NUP210: variants seen among roughly 807,000 people sequenced by gnomAD.
The protein encoded by NUP210 is nuclear pore membrane glycoprotein 210.
Under a neutral mutation model 196.0 loss-of-function variants are expected in NUP210, and 151 were observed. The observed-to-expected ratio is 0.77, with a 90% CI of 0.67 to 0.88. NUP210 has a LOEUF of 0.88. Among genes scored for constraint, NUP210 ranks in the 40% least tolerant of loss-of-function variants. NUP210 has a pLI of 0.00. For synonymous variants in NUP210, 1,070 were observed against 1,052.7 expected (o/e 1.02, Z -0.32); for missense variants, 2,314 against 2,493.7 (o/e 0.93, Z 1.53).
At position 13,327,419 on chromosome 3, in the gene NUP210, G is replaced by A. The variant is rs747355184; in HGVS notation, c.4305C>T (p.Ile1435=). Residue 1435 remains isoleucine, a synonymous_variant, in exon 32 of 40, where the codon ATC becomes ATT. Transcript: ENST00000254508. ...FATNRDDFVQ[I]GKGPTNNTCV... The stretch of plus-strand genomic sequence containing the variant: ...AGGTGTTGTTGGTGGGGCCCTTCCC[G>A]ATCTGCACAAAGTCGTCTCTAGGCA... 17 of 1,611,684 alleles carry A rather than the reference G, an allele frequency of 1.1e-5. No homozygotes were observed. In the East Asian group the frequency reaches 2.0e-4, roughly 19 times the overall value.
At chr3:13,335,422 C>T in intron 28 of NUP210, 32 bp downstream of exon 28, 3 of 1,599,978 alleles carry the variant, frequency 1.9e-6, no homozygotes, top group Admixed American at 1.7e-5. Flanking sequence ...TTCCTCTCCC[C>T]CTTCCCTGTG....
chr3:13,341,656 C>T (rs1316362184), intron 23 of NUP210, 92 bp downstream of exon 23: 9 of 1,416,340 alleles, frequency 6.4e-6, no homozygotes, highest in Non-Finnish European at 7.7e-6. Flanking sequence ...TATATGGCTT[C>T]TCTACAGTAG....
chr3:13,358,108 T>C (rs1698243997), intron 16 of NUP210, 114 bp downstream of exon 16: 1 of 920,516 alleles, frequency 1.1e-6, no homozygotes, highest in African/African-American at 1.7e-5. Flanking sequence ...ACGAAGGAAG[T>C]GCAGCGTGGA....
At chr3:13,386,594 G>A (rs193227444) in intron 5 of NUP210, among the ~76,000 whole-genome samples, 187 bp from the exon 6 acceptor site, 27 of 152,212 alleles carry the variant, frequency 1.8e-4, no homozygotes, top group African/African-American at 6.3e-4. Flanking sequence ...AAGTATAGCA[G>A]GCACCCAGAA....
chr3:13,405,507 A>T (rs1699976539), intron 1 of NUP210, among the ~76,000 whole-genome samples: 1 of 152,140 alleles, frequency 6.6e-6, no homozygotes, highest in Non-Finnish European at 1.5e-5. Flanking sequence ...GGGTGTGTGT[A>T]TAAGATATAT....
chr3:13,358,630 C>T (rs558356024), intron 15 of NUP210, among the ~76,000 whole-genome samples: 12 of 152,252 alleles, frequency 7.9e-5, no homozygotes, highest in African/African-American at 2.9e-4. Flanking sequence ...CTATGGGCTG[C>T]TCCTATCCCA....
intron 3 of NUP210, among the ~76,000 whole-genome samples, chr3:13,393,186 T>A (rs946018039): frequency 6.6e-6 from 1 of 152,012 alleles, no homozygotes; most frequent in Admixed American, 6.6e-5. Context: ...GGTGGGAAGA[T>A]CAAATTGAGA....
At chr3:13,366,163 G>A (rs1327656317) in intron 13 of NUP210, 72 bp from the exon 14 acceptor site, 1 of 1,461,966 alleles carries the variant, frequency 6.8e-7, no homozygotes. Context: ...GAGTCTCGCT[G>A]TGTTGCCCAG....
intron 26 of NUP210, 74 bp from the exon 27 acceptor site, chr3:13,336,992 C>T (rs1697242964): frequency 6.3e-7 from 1 of 1,585,900 alleles, no homozygotes; most frequent in African/African-American, 1.3e-5. Context: ...TTTGCTGCCT[C>T]CTTCAAGCAG....
chr3:13,337,079 G>A (rs1038261748), intron 26 of NUP210, 161 bp from the exon 27 acceptor site: 7 of 777,860 alleles, frequency 9.0e-6, no homozygotes, highest in South Asian at 3.3e-5. Flanking sequence ...AATATCAAAC[G>A]AGCAAACCAG....
rs375361559 is a variant in NUP210 at position 13,399,761 on chromosome 3, C to T, written c.268G>A (p.Ala90Thr). ...AVVQARLTQPARLTSIIFAED... is the reference protein window; with the variant it reads ...AVVQARLTQPTRLTSIIFAED... ...GCGAAGATGATGCTGGTGAGGCGGG[C>T]AGGCTGGGTCAGGCGGGCCTGCACC... is the stretch of plus-strand genomic sequence containing the variant. Residue 90 changes from alanine to threonine, a missense_variant, in exon 2 of 40, where the codon GCC (alanine) becomes ACC (threonine). Coordinates refer to ENST00000254508, the MANE Select transcript of NUP210 (RefSeq NM_024923.4). The T allele has an allele frequency of 7.1e-5, 115 of 1,613,988 alleles. No individual in the cohort carries two copies. Among genetic ancestry groups the T allele is most frequent in the Non-Finnish European group, 9.2e-5 (108 of 1,180,012 alleles).
chr3:13,411,637 C>A (rs1700176891), intron 1 of NUP210, among the ~76,000 whole-genome samples: 1 of 152,212 alleles, frequency 6.6e-6, no homozygotes. Flanking sequence ...GGGCAGTTGC[C>A]TAGACACCTG....
At chr3:13,346,616 G>T (rs575692124) in intron 20 of NUP210, among the ~76,000 whole-genome samples, 1 of 152,202 alleles carries the variant, frequency 6.6e-6, no homozygotes, top group Non-Finnish European at 1.5e-5. Flanking sequence ...CAAATACCTC[G>T]GAGCTTGCCA....
chr3:13,401,036 T>A (rs751107095), intron 1 of NUP210, among the ~76,000 whole-genome samples: 16 of 151,842 alleles, frequency 1.1e-4, no homozygotes, highest in Non-Finnish European at 2.2e-4. Context: ...GGTGGGCAGA[T>A]CACCAGAGGT....
At chr3:13,404,867 G>A (rs1330638015) in intron 1 of NUP210, among the ~76,000 whole-genome samples, 1 of 152,170 alleles carries the variant, frequency 6.6e-6, no homozygotes, top group Non-Finnish European at 1.5e-5. Context: ...GGGGAGAGAA[G>A]AATTACATCT....
At chr3:13,382,729 G>T (rs1054755977) in intron 6 of NUP210, among the ~76,000 whole-genome samples, 1 of 152,212 alleles carries the variant, frequency 6.6e-6, no homozygotes, top group Non-Finnish European at 1.5e-5. Context: ...TCCACAGGAT[G>T]CCGGGCAAGA....
chr3:13,381,146 G>C (rs533816918), intron 6 of NUP210, among the ~76,000 whole-genome samples: 10 of 152,252 alleles, frequency 6.6e-5, no homozygotes, highest in Non-Finnish European at 1.5e-4. Context: ...AGAATATGGA[G>C]CAGTGCATCA....
At chr3:13,324,219 G>A (rs997496473) in intron 33 of NUP210, among the ~76,000 whole-genome samples, 3 of 151,638 alleles carry the variant, frequency 2.0e-5, no homozygotes, top group South Asian at 2.1e-4. Flanking sequence ...ACCCCCCAAC[G>A]CTGGCCCTCC....
chr3:13,387,023 T>C (rs570608668), intron 5 of NUP210, among the ~76,000 whole-genome samples: 59 of 152,372 alleles, frequency 3.9e-4, no homozygotes, highest in Middle Eastern at 3.4e-3. Context: ...GCCTGTTTGA[T>C]GGCAGTGTAC....
Sources: gnomAD v4.1 joint callset for allele counts (sites outside exome capture counted in the v4.1 genomes callset) on GRCh38, gnomAD v4.1.1 for gene constraint, MANE v1.5 for transcripts, NCBI Gene and HGNC (gene_info 2026-07-23, HGNC 2026-07-21) for gene names.